Variants in UVRAG observed in about 807,000 individuals in gnomAD.
The protein encoded by UVRAG is UV radiation resistance-associated gene protein.
UVRAG carries 19 observed loss-of-function variants against 78.0 expected under a neutral mutation model. The observed-to-expected ratio is 0.24, with a 90% confidence interval of 0.17 to 0.36. The LOEUF is 0.36. UVRAG is among the 10% of genes least tolerant of loss of function. The pLI, the probability that UVRAG is intolerant of heterozygous loss-of-function variation, is 1.00. For synonymous variants in UVRAG, 323 were observed against 324.6 expected (o/e 1.00, Z 0.05); for missense variants, 740 against 853.8 (o/e 0.87, Z 1.66).
At chr11:75,863,771 C>T (rs530655436) in intron 3 of UVRAG, among the ~76,000 whole-genome samples, 62 of 152,280 alleles carry the variant, frequency 4.1e-4, no homozygotes, top group African/African-American at 1.5e-3. Flanking sequence ...GACTAAAACA[C>T]TTGTAGGTCC....
chr11:76,054,023 A>AG (rs1434669270), intron 12 of UVRAG, among the ~76,000 whole-genome samples: 1 of 151,702 alleles, frequency 6.6e-6, no homozygotes, highest in Non-Finnish European at 1.5e-5. Context: ...GATACAGTAT[A>AG]GGTTTGGTTT....
At chr11:75,930,939 C>CTTTCTTTCTTTCTTTCT (rs1948222548) in intron 6 of UVRAG, 1 of 141,052 alleles carries the variant, frequency 7.1e-6, no homozygotes, top group Non-Finnish European at 1.5e-5. Flanking sequence ...TTCTTTCTTT[C>CTTTCTTTCTTTCTTTCT]TTTCTTTCTT....
chr11:75,869,553 C>T lies in UVRAG; in HGVS notation c.270+7773C>T, dbSNP rs1590953699. Among the ~76,000 whole-genome samples, 9 of 152,236 alleles carry T rather than the reference C, an allele frequency of 5.9e-5. No individual in the cohort carries two copies. In the South Asian group the frequency reaches 1.7e-3, roughly 28 times the overall value. On this transcript the variant is annotated intron_variant, in intron 3 of 14. Transcript: ENST00000356136. ...TTTCCAACTTCTGTCTGTTTAACTA[C>T]ATGATTTGAAGGGAGACAGAGATAA...
At chr11:75,959,648 C>T (rs989779245) in intron 6 of UVRAG, among the ~76,000 whole-genome samples, 4 of 152,188 alleles carry the variant, frequency 2.6e-5, no homozygotes, top group African/African-American at 9.7e-5. Context: ...TTCGTGTGTT[C>T]ACTGGAGTAG....
chr11:76,036,277 G>T (rs1056297056), intron 12 of UVRAG, among the ~76,000 whole-genome samples: 8 of 152,134 alleles, frequency 5.3e-5, no homozygotes, highest in Admixed American at 1.3e-4. Context: ...GGCTGGGCAC[G>T]GCAGCTCATG....
intron 8 of UVRAG, among the ~76,000 whole-genome samples, chr11:75,986,877 A>G (rs1161946551): frequency 1.3e-5 from 2 of 151,790 alleles, no homozygotes; most frequent in Admixed American, 1.3e-4. Context: ...TTTTATGACC[A>G]ACTTCATTTG....
intron 13 of UVRAG, among the ~76,000 whole-genome samples, chr11:76,084,649 C>T (rs540488670): frequency 1.1e-4 from 17 of 151,838 alleles, no homozygotes; most frequent in African/African-American, 1.9e-4. Context: ...GTTTTGTGGA[C>T]GTTTTGGATA....
At chr11:75,921,821 T>C (rs1262548902) in intron 6 of UVRAG, among the ~76,000 whole-genome samples, 1 of 152,112 alleles carries the variant, frequency 6.6e-6, no homozygotes, top group East Asian at 1.9e-4. Flanking sequence ...CCACTGAATT[T>C]AAATAATACT....
chr11:75,917,927 A>G (rs1338997001), intron 6 of UVRAG, among the ~76,000 whole-genome samples: 1 of 152,222 alleles, frequency 6.6e-6, no homozygotes, highest in Non-Finnish European at 1.5e-5. Context: ...TAAGGCACAA[A>G]GCAGTTAAGT....
intron 12 of UVRAG, among the ~76,000 whole-genome samples, chr11:76,036,540 CA>C (rs1277254256): frequency 6.7e-6 from 1 of 148,370 alleles, no homozygotes; most frequent in Non-Finnish European, 1.5e-5. Context: ...GACCCTGTCT[CA>C]AAAAAAAAGA....
intron 5 of UVRAG, among the ~76,000 whole-genome samples, chr11:75,907,836 G>A (rs554206332): frequency 2.3e-4 from 35 of 151,966 alleles, no homozygotes; most frequent in African/African-American, 8.0e-4. Context: ...TTCATGTATC[G>A]AAATTCCCTT....
chr11:76,085,250 G>C (rs985261892), intron 13 of UVRAG, among the ~76,000 whole-genome samples: 16 of 152,062 alleles, frequency 1.1e-4, no homozygotes, highest in African/African-American at 3.9e-4. Flanking sequence ...AGGAACTATA[G>C]CAACATCATG....
Position 75,815,268 on chromosome 11 carries a change from C to T in UVRAG, c.-140C>T. On this transcript the variant is annotated 5_prime_UTR_variant, in exon 1 of 15. Transcript: ENST00000356136. ...ACGGCGGCAGCGGCGGCAGCGGCGG[C>T]GGCTACTGTCTGGGCTGAGCAGTAG... The T allele has an allele frequency of 2.1e-6, 1 of 482,188 alleles. No homozygotes were observed. Among genetic ancestry groups the T allele is most frequent in the Non-Finnish European group, 3.5e-6 (1 of 289,442 alleles). The allele number at this position is 482,188 out of a possible 1,614,324, so 29.9% of individuals were successfully genotyped here.
intron 1 of UVRAG, among the ~76,000 whole-genome samples, chr11:75,839,836 T>TAC (rs1192011066): frequency 8.7e-5 from 13 of 150,014 alleles, no homozygotes; most frequent in African/African-American, 3.2e-4. Flanking sequence ...TATATATATA[T>TAC]ATACACACCC....
At chr11:76,061,354 G>T (rs1345824712) in intron 12 of UVRAG, among the ~76,000 whole-genome samples, 2 of 152,216 alleles carry the variant, frequency 1.3e-5, no homozygotes, top group Non-Finnish European at 2.9e-5. Flanking sequence ...CAATCAGCAG[G>T]ATGTGGGTGG....
At chr11:75,849,077 G>C (rs111273292) in intron 1 of UVRAG, among the ~76,000 whole-genome samples, 11,455 of 152,074 alleles carry the variant, frequency 0.075, 1,413 homozygotes, top group African/African-American at 0.26. Flanking sequence ...ACTTGGGAGC[G>C]TGAGACAGGA....
At chr11:75,982,553 A>G (rs1186124415) in intron 7 of UVRAG, among the ~76,000 whole-genome samples, 1 of 152,094 alleles carries the variant, frequency 6.6e-6, no homozygotes, top group Non-Finnish European at 1.5e-5. Flanking sequence ...AAAGTCCAGG[A>G]TCCCCATGTG....
chr11:76,076,419 A>G (rs920058638), intron 13 of UVRAG, among the ~76,000 whole-genome samples: 1 of 152,320 alleles, frequency 6.6e-6, no homozygotes, highest in Non-Finnish European at 1.5e-5. Flanking sequence ...ACTCCCCTTT[A>G]TAAATCTGAT....
intron 13 of UVRAG, among the ~76,000 whole-genome samples, chr11:76,106,535 T>G (rs1186497940): frequency 6.6e-6 from 1 of 151,354 alleles, no homozygotes; most frequent in Non-Finnish European, 1.5e-5. Context: ...CCGGCTAATT[T>G]TTTTGTATTT....
Sources: allele counts gnomAD v4.1 joint callset (sites outside exome capture counted in the v4.1 genomes callset), GRCh38; gene constraint gnomAD v4.1.1; transcripts MANE v1.5; gene names NCBI Gene and HGNC (gene_info 2026-07-23, HGNC 2026-07-21).